GPC5: variants seen among roughly 807,000 people sequenced by gnomAD.
GPC5 encodes the protein glypican-5.
A neutral mutation model predicts 53.9 loss-of-function variants in GPC5; 47 were observed. That is an observed-to-expected ratio of 0.87 (90% CI 0.69 to 1.11). GPC5 has a LOEUF of 1.11. Among genes scored for constraint, GPC5 ranks in the 50% most tolerant of loss-of-function variants. The probability of loss-of-function intolerance (pLI) is 0.00; values close to 1 mark genes in which losing one functional copy is unlikely to be tolerated. For synonymous variants in GPC5, 286 were observed against 263.3 expected (o/e 1.09, Z -0.84); for missense variants, 748 against 713.1 (o/e 1.05, Z -0.56).
intron 2 of GPC5, among the ~76,000 whole-genome samples, chr13:91,640,510 A>G (rs1307658143): frequency 6.6e-6 from 1 of 152,220 alleles, no homozygotes; most frequent in Non-Finnish European, 1.5e-5. Context: ...AGAAATAGGA[A>G]TACTTTCACA....
chr13:92,761,577 C>T (rs1327934918), intron 7 of GPC5, among the ~76,000 whole-genome samples: 1 of 152,116 alleles, frequency 6.6e-6, no homozygotes, highest in African/African-American at 2.4e-5. Context: ...GGAGTATCTT[C>T]CATCTCTTCA....
At chr13:91,969,401 A>T (rs1462390633) in intron 6 of GPC5, among the ~76,000 whole-genome samples, 1 of 152,226 alleles carries the variant, frequency 6.6e-6, no homozygotes, top group Non-Finnish European at 1.5e-5. Flanking sequence ...AAAGGCTTAC[A>T]TAGAAATGTA....
At chr13:91,989,806 G>T (rs9523470) in intron 6 of GPC5, among the ~76,000 whole-genome samples, 61,512 of 151,582 alleles carry the variant, frequency 0.41, 14,459 homozygotes, top group East Asian at 0.75. Flanking sequence ...AATATTATTG[G>T]TGTACTTTAT....
intron 6 of GPC5, among the ~76,000 whole-genome samples, chr13:91,920,981 A>C (rs1197544046): frequency 5.2e-5 from 6 of 114,678 alleles, no homozygotes; most frequent in African/African-American, 2.0e-4. Context: ...TCTGTCGCCC[A>C]GGCTGGAGTC....
At chr13:92,286,153 C>T (rs2042952889) in intron 7 of GPC5, among the ~76,000 whole-genome samples, 1 of 152,134 alleles carries the variant, frequency 6.6e-6, no homozygotes, top group Non-Finnish European at 1.5e-5. Context: ...CATCACTGGC[C>T]ATCAGAGAAA....
chr13:91,953,750 C>G (rs910730375), intron 6 of GPC5, among the ~76,000 whole-genome samples: 5 of 152,166 alleles, frequency 3.3e-5, no homozygotes, highest in Admixed American at 6.5e-5. Context: ...TATAAATGGG[C>G]CCTTCTTGCT....
At chr13:92,422,512 A>C (rs1876619125) in intron 7 of GPC5, among the ~76,000 whole-genome samples, 12 of 150,832 alleles carry the variant, frequency 8.0e-5, no homozygotes, top group African/African-American at 2.2e-4. Flanking sequence ...ACACACACAC[A>C]CACACACACA....
intron 7 of GPC5, among the ~76,000 whole-genome samples, chr13:92,797,930 G>A (rs1876759274): frequency 6.6e-6 from 1 of 151,782 alleles, no homozygotes; most frequent in Non-Finnish European, 1.5e-5. Context: ...ACAGTTCATA[G>A]ATAGATGATA....
At chr13:92,540,087 T>A (rs1011319679) in intron 7 of GPC5, among the ~76,000 whole-genome samples, 1 of 151,988 alleles carries the variant, frequency 6.6e-6, no homozygotes, top group African/African-American at 2.4e-5. Flanking sequence ...TGTTTATAGA[T>A]GTTGGGGCCT....
chr13:91,735,649 C>T (rs957688745), intron 4 of GPC5, among the ~76,000 whole-genome samples: 8 of 151,220 alleles, frequency 5.3e-5, no homozygotes, highest in Non-Finnish European at 1.5e-5. Context: ...TAGGATAATG[C>T]TATAAATGGC....
At chr13:91,495,777 C>T (rs1884220237) in intron 2 of GPC5, among the ~76,000 whole-genome samples, 1 of 152,202 alleles carries the variant, frequency 6.6e-6, no homozygotes, top group South Asian at 2.1e-4. Flanking sequence ...AATCCCAGCA[C>T]TTTGGGAGGC....
intron 7 of GPC5, among the ~76,000 whole-genome samples, chr13:92,591,862 G>T (rs1883722810): frequency 6.6e-6 from 1 of 152,094 alleles, no homozygotes; most frequent in African/African-American, 2.4e-5. Context: ...TGATAGTGCA[G>T]CGAACTGGCT....
intron 4 of GPC5, among the ~76,000 whole-genome samples, chr13:91,736,953 A>G (rs1034945705): frequency 1.3e-4 from 19 of 148,938 alleles, no homozygotes; most frequent in African/African-American, 4.8e-4. Flanking sequence ...ACTTCAGATT[A>G]TTATTATTAT....
At chr13:92,504,089 G>A (rs1273277117) in intron 7 of GPC5, among the ~76,000 whole-genome samples, 1 of 151,900 alleles carries the variant, frequency 6.6e-6, no homozygotes, top group East Asian at 1.9e-4. Flanking sequence ...ATTAAACTGT[G>A]TTTACTCACG....
intron 7 of GPC5, among the ~76,000 whole-genome samples, chr13:92,237,615 T>G (rs929414015): frequency 1.3e-5 from 2 of 152,220 alleles, no homozygotes; most frequent in Admixed American, 6.5e-5. Context: ...CATACTTGTA[T>G]TTCTTGTGTA....
intron 6 of GPC5, among the ~76,000 whole-genome samples, chr13:91,971,951 G>T (rs903904050): frequency 6.6e-6 from 1 of 152,112 alleles, no homozygotes; most frequent in Non-Finnish European, 1.5e-5. Flanking sequence ...TGTTGATTTG[G>T]GGTGGAGAGT....
chr13:92,061,431 A>G lies in GPC5; in HGVS notation c.1402-83399A>G, dbSNP rs77329407. Among the ~76,000 whole-genome samples the G allele has an allele frequency of 2.2e-3, 340 of 152,150 alleles. 6 individuals carry two copies. Among genetic ancestry groups the G allele is most frequent in the African/African-American group, 7.8e-3 (325 of 41,472 alleles). On this transcript the variant is annotated intron_variant, in intron 6 of 7. Coordinates refer to ENST00000377067, the MANE Select transcript of GPC5 (RefSeq NM_004466.6). ...GACAGCTTTATTTGCAAAGCACGTGAAAATGCTAAGAAATTTAGTGCATTT... is the reference window on the plus strand; with the variant it reads ...GACAGCTTTATTTGCAAAGCACGTGGAAATGCTAAGAAATTTAGTGCATTT...
chr13:91,435,475 T>C (rs1272363241), intron 1 of GPC5, among the ~76,000 whole-genome samples: 1 of 152,234 alleles, frequency 6.6e-6, no homozygotes, highest in Non-Finnish European at 1.5e-5. Flanking sequence ...TTTGTTTATA[T>C]GCTGGATTAT....
intron 1 of GPC5, among the ~76,000 whole-genome samples, chr13:91,432,075 C>T (rs958410155): frequency 1.3e-5 from 2 of 152,068 alleles, no homozygotes; most frequent in East Asian, 1.9e-4. Flanking sequence ...TTGAGATAGT[C>T]TTTCTGGTGA....
Sources: allele counts gnomAD v4.1 joint callset (sites outside exome capture counted in the v4.1 genomes callset), GRCh38; gene constraint gnomAD v4.1.1; transcripts MANE v1.5; gene names NCBI Gene and HGNC (gene_info 2026-07-23, HGNC 2026-07-21).